SCLT1: variants seen among roughly 807,000 people sequenced by gnomAD.
The protein encoded by SCLT1 is sodium channel-associated protein 1.
SCLT1 carries 78 observed loss-of-function variants against 112.8 expected under a neutral mutation model. That is an observed-to-expected ratio of 0.69 (90% CI 0.58 to 0.83). The LOEUF is 0.83. SCLT1 is among the 40% of genes least tolerant of loss of function. The pLI is 0.00. For missense variants in SCLT1, 747 were observed against 770.4 expected (o/e 0.97, Z 0.36); for synonymous variants, 257 against 254.7 (o/e 1.01, Z -0.09).
At chr4:129,012,486 T>C (rs183852202) in intron 5 of SCLT1, among the ~76,000 whole-genome samples, 2 of 152,316 alleles carry the variant, frequency 1.3e-5, no homozygotes, top group African/African-American at 4.8e-5. Context: ...GAGAAGAATG[T>C]ATATTCTGTT....
intron 1 of SCLT1, among the ~76,000 whole-genome samples, chr4:129,085,851 A>G (rs1263317667): frequency 6.6e-6 from 1 of 151,996 alleles, no homozygotes; most frequent in Non-Finnish European, 1.5e-5. Context: ...ACGGTGGCCT[A>G]TTGGAGGGTG....
chr4:129,009,088 T>C (rs983752994), intron 5 of SCLT1, among the ~76,000 whole-genome samples: 6 of 152,208 alleles, frequency 3.9e-5, no homozygotes, highest in African/African-American at 1.2e-4. Flanking sequence ...GGTTGATCTA[T>C]GTCTTTGTCA....
intron 2 of SCLT1, among the ~76,000 whole-genome samples, chr4:129,064,524 A>C (rs1364539413): frequency 6.6e-6 from 1 of 152,178 alleles, no homozygotes; most frequent in Non-Finnish European, 1.5e-5. Flanking sequence ...CATTGAGATT[A>C]TAGTCTGCTT....
intron 18 of SCLT1, among the ~76,000 whole-genome samples, chr4:128,912,265 C>T (rs186759344): frequency 6.6e-6 from 1 of 152,228 alleles, no homozygotes; most frequent in Non-Finnish European, 1.5e-5. Flanking sequence ...AACAAAAACA[C>T]TTCTAAGGAG....
At chr4:128,877,356 C>T (rs1001891876) in intron 3 of SCLT1, among the ~76,000 whole-genome samples, 12 of 152,016 alleles carry the variant, frequency 7.9e-5, no homozygotes, top group Admixed American at 2.0e-4. Context: ...GATTGAGACC[C>T]GTAGGCTGTA....
intron 5 of SCLT1, 121 bp downstream of exon 5, chr4:129,038,920 A>C: frequency 1.5e-6 from 1 of 687,426 alleles, no homozygotes; most frequent in South Asian, 1.6e-5. Flanking sequence ...GTCAAATAGA[A>C]AATCAGCCCC....
intron 9 of SCLT1, among the ~76,000 whole-genome samples, chr4:128,975,321 G>A (rs1741068601): frequency 6.6e-6 from 1 of 151,966 alleles, no homozygotes; most frequent in Non-Finnish European, 1.5e-5. Flanking sequence ...TTACAGGCAT[G>A]AGCCACCACA....
At chr4:128,888,833 T>C in intron 19 of SCLT1, 59 bp from the exon 20 acceptor site, 1 of 1,037,794 alleles carries the variant, frequency 9.6e-7, no homozygotes, top group Non-Finnish European at 1.5e-6. Context: ...AGATGTTTTG[T>C]GGAATAATCA....
intron 7 of SCLT1, among the ~76,000 whole-genome samples, chr4:128,998,712 T>C (rs891981223): frequency 6.6e-6 from 1 of 151,666 alleles, no homozygotes; most frequent in African/African-American, 2.4e-5. Flanking sequence ...ACAAATCAGA[T>C]TGATTACATG....
intron 17 of SCLT1, 78 bp from the exon 18 acceptor site, chr4:128,936,929 A>T: frequency 1.7e-6 from 1 of 586,384 alleles, no homozygotes; most frequent in Non-Finnish European, 2.7e-6. Flanking sequence ...ATACAAAAGG[A>T]ATCATTCATT....
intron 18 of SCLT1, among the ~76,000 whole-genome samples, chr4:128,900,522 C>T (rs377282804): frequency 2.0e-5 from 3 of 152,112 alleles, no homozygotes; most frequent in African/African-American, 4.8e-5. Context: ...ATACAAAAAT[C>T]AATTCAAGAT....
intron 8 of SCLT1, among the ~76,000 whole-genome samples, chr4:128,997,638 G>T (rs1743122946): frequency 6.6e-6 from 1 of 151,780 alleles, no homozygotes; most frequent in Admixed American, 6.6e-5. Flanking sequence ...TTAGTCTAAG[G>T]AGACCTTACT....
At position 129,041,451 on chromosome 4, in the gene SCLT1, T is replaced by C. The variant is rs144310094; in HGVS notation, c.234+1944A>G. Among the ~76,000 whole-genome samples the C allele has an allele frequency of 1.1e-3, 172 of 152,352 alleles. 2 individuals are homozygous for C. The East Asian group carries it at 0.023, about 20-fold the overall frequency. On this transcript the variant is annotated intron_variant, in intron 4 of 20. Transcript: ENST00000281142. Reference sequence around the variant, plus strand: ...ATGCAGTGAAAGAACCTAATTTTATTTTTAGAAATTGGAAGCATTATGTGT... The same window carrying C: ...ATGCAGTGAAAGAACCTAATTTTATCTTTAGAAATTGGAAGCATTATGTGT...
intron 10 of SCLT1, among the ~76,000 whole-genome samples, chr4:128,966,464 T>C (rs1740201946): frequency 6.6e-6 from 1 of 152,230 alleles, no homozygotes; most frequent in South Asian, 2.1e-4. Flanking sequence ...TGAGTGCCAT[T>C]GTTGTCATAT....
At chr4:129,090,320 T>C (rs1752726864) in intron 1 of SCLT1, among the ~76,000 whole-genome samples, 1 of 152,220 alleles carries the variant, frequency 6.6e-6, no homozygotes, top group Non-Finnish European at 1.5e-5. Context: ...AGTTCATTAA[T>C]AGATCCATAC....
intron 2 of SCLT1, among the ~76,000 whole-genome samples, chr4:129,049,628 A>T (rs910743657): frequency 1.0e-4 from 15 of 144,550 alleles, no homozygotes; most frequent in South Asian, 8.6e-4. Flanking sequence ...TTAAAGTATA[A>T]AAAAAAAAAA....
intron 5 of SCLT1, among the ~76,000 whole-genome samples, chr4:129,030,727 T>C (rs140582016): frequency 1.3e-3 from 192 of 152,326 alleles, no homozygotes; most frequent in Admixed American, 2.0e-3. Flanking sequence ...GATACATTCC[T>C]GAACACATAC....
chr4:129,077,108 A>G (rs905511280), intron 2 of SCLT1, among the ~76,000 whole-genome samples: 3 of 152,140 alleles, frequency 2.0e-5, no homozygotes, highest in Non-Finnish European at 4.4e-5. Context: ...CCTAAGAACA[A>G]TAAGCTTCAA....
At chr4:129,009,972 T>C (rs927266547) in intron 5 of SCLT1, among the ~76,000 whole-genome samples, 2 of 152,222 alleles carry the variant, frequency 1.3e-5, no homozygotes, top group African/African-American at 2.4e-5. Flanking sequence ...TTGTCAATGT[T>C]TGCTTTTATT....
Sources: gnomAD v4.1 joint callset for allele counts (sites outside exome capture counted in the v4.1 genomes callset) on GRCh38, gnomAD v4.1.1 for gene constraint, MANE v1.5 for transcripts, NCBI Gene and HGNC (gene_info 2026-07-23, HGNC 2026-07-21) for gene names.